Variants in RASA3 observed in about 807,000 individuals in gnomAD.
RASA3 encodes the protein ras GTPase-activating protein 3.
RASA3 carries 73 observed loss-of-function variants against 110.0 expected under a neutral mutation model. The ratio of observed to expected loss-of-function variants is 0.66; its 90% CI spans 0.55 to 0.81. RASA3 has a LOEUF of 0.81. Among genes scored for constraint, RASA3 ranks in the 30% least tolerant of loss-of-function variants. The pLI is 0.00. For missense variants in RASA3, 976 were observed against 1,113.2 expected (o/e 0.88, Z 1.75); for synonymous variants, 500 against 451.4 (o/e 1.11, Z -1.37).
At chr13:114,038,320 C>T (rs747258871) in intron 4 of RASA3, among the ~76,000 whole-genome samples, 5 of 152,246 alleles carry the variant, frequency 3.3e-5, no homozygotes, top group Admixed American at 2.6e-4. Flanking sequence ...GCCTTTCTGC[C>T]GGGACGCCAA....
At chr13:114,022,494 T>C (rs2053947141) in intron 8 of RASA3, among the ~76,000 whole-genome samples, 1 of 152,194 alleles carries the variant, frequency 6.6e-6, no homozygotes, top group Non-Finnish European at 1.5e-5. Flanking sequence ...CTAACCACAC[T>C]GTGGGCATCA....
intron 1 of RASA3, among the ~76,000 whole-genome samples, chr13:114,127,477 G>GACC (rs2080466324): frequency 6.6e-6 from 1 of 152,190 alleles, no homozygotes; most frequent in East Asian, 1.9e-4. Context: ...CACCCACACA[G>GACC]ACCAGCAGCC....
Position 113,977,810 on chromosome 13 carries a change from T to C in RASA3, c.*1537A>G, listed in dbSNP as rs2052808747. 6.6e-6 allele frequency: 1 copy of C among 152,494 alleles called. No individual in the cohort carries two copies. The highest frequency in any genetic ancestry group is 1.5e-5 in the Non-Finnish European group (1 of 68,060). The allele number at this position is 152,494 out of a possible 1,614,324, so 9.4% of individuals were successfully genotyped here. On this transcript the variant is annotated 3_prime_UTR_variant, in exon 24 of 24. Coordinates refer to ENST00000334062, the MANE Select transcript of RASA3 (RefSeq NM_007368.4). ...AGAAAGAATAAAACATCTGTTTTAA[T>C]TGGCCAGTAAAATACATTGCAAATC...
intron 21 of RASA3, among the ~76,000 whole-genome samples, chr13:113,994,187 G>C (rs916109861): frequency 2.0e-5 from 3 of 151,974 alleles, no homozygotes; most frequent in Non-Finnish European, 4.4e-5. Context: ...AACTTCTCTT[G>C]TAAAAAAAGA....
intron 1 of RASA3, among the ~76,000 whole-genome samples, chr13:114,124,161 TG>T (rs1274626160): frequency 6.6e-6 from 1 of 152,216 alleles, no homozygotes; most frequent in Non-Finnish European, 1.5e-5. Context: ...GGGCACTGAC[TG>T]TCCCCAGAAG....
intron 15 of RASA3, among the ~76,000 whole-genome samples, chr13:114,012,235 C>G (rs2053650152): frequency 6.6e-6 from 1 of 151,928 alleles, no homozygotes; most frequent in African/African-American, 2.4e-5. Context: ...CTCGACTCCC[C>G]CAGAACGTAC....
rs151265782 is a variant in RASA3, at chr13:114,018,794, C to T, written c.911G>A (p.Arg304Gln). ...ATCCGCAGACTTCAACAGCAGGTCCCGCAGAGGGCTGTAATAGTCAGAAGA... is the reference window on the plus strand; with the variant it reads ...ATCCGCAGACTTCAACAGCAGGTCCTGCAGAGGGCTGTAATAGTCAGAAGA... Reference protein sequence around the residue: ...VFSSDYYSPLRDLLLKSADVE... With the variant: ...VFSSDYYSPLQDLLLKSADVE... Residue 304 changes from arginine to glutamine, a missense_variant, in exon 10 of 24, where the codon CGG (arginine) becomes CAG (glutamine). Around this residue, in one of 4 missense-constraint regions of RASA3, gnomAD observed 732 missense variants for 779.7 expected, o/e 0.94. Transcript: ENST00000334062. 2.0e-4 allele frequency: 321 copies of T among 1,613,526 alleles called. No homozygotes were observed. Among genetic ancestry groups the T allele is most frequent in the Non-Finnish European group, 1.6e-4 (190 of 1,179,954 alleles).
At chr13:114,054,181 T>G (rs992257677) in intron 2 of RASA3, among the ~76,000 whole-genome samples, 2 of 151,958 alleles carry the variant, frequency 1.3e-5, no homozygotes, top group African/African-American at 4.8e-5. Flanking sequence ...CTAGAAAAAA[T>G]ATTAGTAAGT....
At chr13:114,131,841 C>T (rs1594490884) in intron 1 of RASA3, among the ~76,000 whole-genome samples, 1 of 151,820 alleles carries the variant, frequency 6.6e-6, no homozygotes, top group South Asian at 2.1e-4. Context: ...CGCACACACA[C>T]CGCCCACACA....
chr13:114,015,064 C>A (rs539711737), intron 14 of RASA3, 145 bp downstream of exon 14: 1 of 1,201,882 alleles, frequency 8.3e-7, no homozygotes, highest in East Asian at 2.4e-5. Flanking sequence ...GCACAAACCC[C>A]GGAAAAATCC....
rs1437545133 is a variant in RASA3, at chr13:114,114,222, AGCACAGCCCATGTGACGTTAGAAAG to A, written c.55+18188_55+18212del. ...GGGGAGAGAGACCTGGCCTATCCTC[AGCACAGCCCATGTGACGTTAGAAAG>A]GCAACCGCAAATTCAGCTGCGGAGT... On this transcript the variant is annotated intron_variant, in intron 1 of 23. Transcript: ENST00000334062. The surrounding 1 kb of genome is among the most constrained non-coding windows in gnomAD (Gnocchi z 4.8). Among the ~76,000 whole-genome samples the A allele has an allele frequency of 3.3e-5, 5 of 152,358 alleles. No homozygotes were observed. Among genetic ancestry groups the A allele is most frequent in the East Asian group, 1.9e-4 (1 of 5,188 alleles).
At chr13:114,030,006 G>T in intron 4 of RASA3, 119 bp from the exon 5 acceptor site, 1 of 872,640 alleles carries the variant, frequency 1.1e-6, no homozygotes. Context: ...CCCTGCCCTG[G>T]CCAATGGGCA....
At chr13:114,071,825 T>A in intron 2 of RASA3, among the ~76,000 whole-genome samples, 1 of 152,120 alleles carries the variant, frequency 6.6e-6, no homozygotes, top group East Asian at 1.9e-4. Context: ...CCCCTCACAG[T>A]TTTCTAGTAA....
At chr13:114,041,886 G>C (rs1004990320) in intron 3 of RASA3, among the ~76,000 whole-genome samples, 1 of 151,524 alleles carries the variant, frequency 6.6e-6, no homozygotes, top group Non-Finnish European at 1.5e-5. Context: ...TCTCCAGACG[G>C]AGGAGAACAG....
chr13:114,018,037 G>A (rs1452546060), intron 11 of RASA3, 67 bp downstream of exon 11: 24 of 1,416,132 alleles, frequency 1.7e-5, no homozygotes, highest in African/African-American at 2.9e-5. Flanking sequence ...CGTGGTTCTC[G>A]GCGACGACCT....
At chr13:114,100,236 G>A (rs766284776) in intron 1 of RASA3, among the ~76,000 whole-genome samples, 17 of 151,958 alleles carry the variant, frequency 1.1e-4, no homozygotes, top group Non-Finnish European at 1.6e-4. Flanking sequence ...AGGGCGCGCC[G>A]ATGTGGATGC....
chr13:114,100,077 C>A (rs932109767), intron 1 of RASA3, among the ~76,000 whole-genome samples: 4 of 150,794 alleles, frequency 2.7e-5, no homozygotes, highest in African/African-American at 9.8e-5. Flanking sequence ...TCTGGAAGAG[C>A]GGCAGGCCAG....
chr13:114,067,957 T>G (rs2079481561), intron 2 of RASA3, among the ~76,000 whole-genome samples: 1 of 152,228 alleles, frequency 6.6e-6, no homozygotes, highest in Non-Finnish European at 1.5e-5. Flanking sequence ...CACATCACAT[T>G]GACGTTTTTG....
At chr13:114,095,393 C>G (rs1381411143) in intron 1 of RASA3, among the ~76,000 whole-genome samples, 3 of 152,118 alleles carry the variant, frequency 2.0e-5, no homozygotes, top group Admixed American at 2.0e-4. Context: ...CATTCCCACT[C>G]CCATCTCCCC....
Sources: allele counts gnomAD v4.1 joint callset (sites outside exome capture counted in the v4.1 genomes callset), GRCh38; gene constraint gnomAD v4.1.1; regional missense constraint gnomAD v4.1.1; non-coding constraint Gnocchi (gnomAD v3.1); transcripts MANE v1.5; gene names NCBI Gene and HGNC (gene_info 2026-07-23, HGNC 2026-07-21).